OIT3: variants seen among roughly 807,000 people sequenced by gnomAD.
The protein encoded by OIT3 is oncoprotein-induced transcript 3 protein.
A neutral mutation model predicts 52.2 loss-of-function variants in OIT3; 41 were observed. The observed-to-expected ratio is 0.79, with a 90% CI of 0.61 to 1.02. OIT3 has a LOEUF of 1.02. Ranked by LOEUF, OIT3 falls within the 50% of genes least tolerant of loss-of-function variation. The pLI is 0.00. For missense variants in OIT3, 634 were observed against 715.5 expected, an observed-to-expected ratio of 0.89 and a Z score of 1.30; for synonymous variants, 244 against 276.9, an observed-to-expected ratio of 0.88 and a Z score of 1.18.
At chr10:72,912,285 T>C (rs1175926092) in intron 5 of OIT3, among the ~76,000 whole-genome samples, 1 of 149,884 alleles carries the variant, frequency 6.7e-6, no homozygotes, top group Admixed American at 6.6e-5. Context: ...TTTTTTTTTT[T>C]TTTTGGCAGA....
chr10:72,913,499 T>G (rs750123820), intron 6 of OIT3, 31 bp downstream of exon 6: 3 of 1,576,466 alleles, frequency 1.9e-6, no homozygotes, highest in South Asian at 2.3e-5. Flanking sequence ...ACTTGGGGAA[T>G]GACCAAAAGC....
intron 4 of OIT3, among the ~76,000 whole-genome samples, chr10:72,911,463 C>T (rs539374947): frequency 1.3e-5 from 2 of 152,290 alleles, no homozygotes; most frequent in Admixed American, 6.5e-5. Context: ...AAACATCAGA[C>T]AAACCCAACC....
chr10:72,907,041 A>G (rs906378585), intron 4 of OIT3, among the ~76,000 whole-genome samples: 2 of 152,120 alleles, frequency 1.3e-5, no homozygotes, highest in African/African-American at 4.8e-5. Flanking sequence ...CTGAAGTGGG[A>G]GGATCACTTG....
intron 2 of OIT3, among the ~76,000 whole-genome samples, chr10:72,899,750 TAGATA>T (rs1845914825): frequency 1.4e-5 from 2 of 139,756 alleles, no homozygotes; most frequent in African/African-American, 5.7e-5. Context: ...GATAGATAGA[TAGATA>T]GATGATAGAT....
chr10:72,920,757 C>G (rs1286402502), intron 6 of OIT3, among the ~76,000 whole-genome samples: 1 of 152,156 alleles, frequency 6.6e-6, no homozygotes, highest in African/African-American at 2.4e-5. Flanking sequence ...ATTTCTTAGT[C>G]TTGAGTTCTA....
chr10:72,904,785 GT>G (rs111567932), intron 3 of OIT3, among the ~76,000 whole-genome samples: 12,980 of 152,148 alleles, frequency 0.085, 804 homozygotes, highest in East Asian at 0.28. Flanking sequence ...TTCTGTTGTA[GT>G]TTTTTCTGTA....
intron 6 of OIT3, among the ~76,000 whole-genome samples, chr10:72,921,185 G>A (rs1448138746): frequency 6.6e-6 from 1 of 152,096 alleles, no homozygotes; most frequent in Non-Finnish European, 1.5e-5. Context: ...ATTCTTCTTT[G>A]TCTTCTTTGA....
chr10:72,894,852 C>T (rs886700300), intron 1 of OIT3, among the ~76,000 whole-genome samples: 1 of 152,212 alleles, frequency 6.6e-6, no homozygotes, highest in East Asian at 1.9e-4. Flanking sequence ...CGAACCACTG[C>T]ACTCCAGCCT....
Position 72,898,912 on chromosome 10 carries a change from G to C in OIT3, c.310G>C (p.Ala104Pro). ...LEGDGIVQRQ[A>P]CASFNGNCCL... is the part of the protein sequence containing the mutation. ...AGGCGACGGCATTGTGCAACGCCAGGCTTGTGCCAGCTTCAATGGGAACTG... is the reference window on the plus strand; with the variant it reads ...AGGCGACGGCATTGTGCAACGCCAGCCTTGTGCCAGCTTCAATGGGAACTG... The change falls in exon 2 of 9, where the codon GCT becomes CCT. Residue 104 changes from alanine (A) to proline (P), a missense_variant. By Grantham distance (27) the Ala-to-Pro change is conservative. Coordinates refer to ENST00000334011, the MANE Select transcript of OIT3 (RefSeq NM_152635.3). 6.2e-7 allele frequency: 1 copy of C among 1,614,210 alleles called. No individual in the cohort carries two copies. Among genetic ancestry groups the C allele is most frequent in the Non-Finnish European group, 8.5e-7 (1 of 1,180,044 alleles).
At chr10:72,915,615 T>C (rs570269582) in intron 6 of OIT3, among the ~76,000 whole-genome samples, 48 of 152,156 alleles carry the variant, frequency 3.2e-4, no homozygotes, top group Non-Finnish European at 5.7e-4. Flanking sequence ...ATCAAACACA[T>C]ATTTTCCCAT....
In OIT3 at chr10:72,932,508, T is replaced by G; in HGVS notation, c.1622T>G (p.Ile541Ser). ...GQTLTGGPIR[I>S]DWED ...ACGCTAACAGGCGGCCCGATCCGCA[T>G]CGACTGGGAGGACTAGTTCGTAGCC... is the stretch of plus-strand genomic sequence containing the variant. Residue 541 changes from isoleucine to serine, a missense_variant, in exon 9 of 9, where the codon ATC becomes AGC. Coordinates refer to ENST00000334011, the MANE Select transcript of OIT3 (RefSeq NM_152635.3). The G allele has an allele frequency of 6.2e-7, 1 of 1,607,808 alleles. No homozygotes were observed. The highest frequency in any genetic ancestry group is 8.5e-7 in the Non-Finnish European group (1 of 1,176,824).
chr10:72,928,559 T>TATC (rs1451938439), intron 7 of OIT3, among the ~76,000 whole-genome samples: 3 of 152,330 alleles, frequency 2.0e-5, no homozygotes, highest in African/African-American at 7.2e-5. Flanking sequence ...ACTATTTTAA[T>TATC]ATCAAGCCTT....
intron 6 of OIT3, among the ~76,000 whole-genome samples, chr10:72,915,422 C>T (rs1766990052): frequency 1.3e-5 from 2 of 152,128 alleles, no homozygotes; most frequent in African/African-American, 2.4e-5. Context: ...TTAAGTATTG[C>T]TCCTAGGGGA....
chr10:72,904,746 C>T (rs1845964005), intron 3 of OIT3, among the ~76,000 whole-genome samples: 1 of 152,264 alleles, frequency 6.6e-6, no homozygotes, highest in South Asian at 2.1e-4. Flanking sequence ...TGGATCATCC[C>T]TCATGTAAGT....
intron 7 of OIT3, among the ~76,000 whole-genome samples, chr10:72,928,309 C>T (rs1405752587): frequency 6.6e-6 from 1 of 152,168 alleles, no homozygotes; most frequent in Non-Finnish European, 1.5e-5. Flanking sequence ...CGATAAGCCA[C>T]TAGTTTTGAT....
rs1279993963 is a variant in OIT3, at chr10:72,898,785, C to T, written c.183C>T (p.His61=). The T allele has an allele frequency of 9.9e-6, 16 of 1,614,178 alleles. No individual in the cohort carries two copies. The highest frequency in any genetic ancestry group is 1.3e-5 in the Non-Finnish European group (15 of 1,180,030). The change falls in exon 2 of 9, where the codon CAC becomes CAT. Residue 61 remains histidine (H), a synonymous_variant. Transcript: ENST00000334011. ...ACCATGTGAATGGGGAGTGGTACCA[C>T]TTCACGGGCATGGCGGGAGATGCCA... The part of the protein sequence containing the change: ...CDNHVNGEWY[H]FTGMAGDAMP...
rs1000858747 is a variant in OIT3, at chr10:72,893,763, G to A, written c.-36G>A. 2 of 1,577,954 alleles carry A rather than the reference G, an allele frequency of 1.3e-6. No individual in the cohort carries two copies. ...GGACAAAGGAACACCAGTATTAAGA[G>A]GATTTTCCAGTGTTTCTGGCAGTTG... On this transcript the variant is annotated 5_prime_UTR_variant, in exon 1 of 9. Transcript: ENST00000334011.
At chr10:72,904,115 C>CCTGTT (rs1268716792) in intron 3 of OIT3, among the ~76,000 whole-genome samples, 2 of 152,088 alleles carry the variant, frequency 1.3e-5, no homozygotes, top group Admixed American at 6.6e-5. Context: ...AAATCCCTGT[C>CCTGTT]CTGTTCTGTT....
intron 3 of OIT3, among the ~76,000 whole-genome samples, chr10:72,906,056 C>T (rs571575006): frequency 5.9e-5 from 9 of 152,276 alleles, no homozygotes; most frequent in African/African-American, 1.2e-4. Flanking sequence ...CCATACCTTT[C>T]ATCAGATTCT....
Sources: allele counts gnomAD v4.1 joint callset (sites outside exome capture counted in the v4.1 genomes callset), GRCh38; gene constraint gnomAD v4.1.1; transcripts MANE v1.5; gene names NCBI Gene and HGNC (gene_info 2026-07-23, HGNC 2026-07-21).